LLGL1: variants seen among roughly 807,000 people sequenced by gnomAD.
LLGL1 encodes LLGL scribble cell polarity complex component 1.
A neutral mutation model predicts 110.6 loss-of-function variants in LLGL1; 58 were observed. The ratio of observed to expected loss-of-function variants is 0.52; its 90% CI spans 0.42 to 0.65. The LOEUF is 0.65. Ranked by LOEUF, LLGL1 falls within the 30% of genes least tolerant of loss-of-function variation. The pLI is 0.00. For missense variants in LLGL1, 1,229 were observed against 1,462.1 expected (o/e 0.84, Z 2.60); for synonymous variants, 674 against 607.2 (o/e 1.11, Z -1.62).
In LLGL1 at chr17:18,228,222, G is replaced by A. The variant is rs137961381; in HGVS notation, c.82-1719G>A. Among the ~76,000 whole-genome samples, 699 of 152,374 alleles carry A rather than the reference G, an allele frequency of 4.6e-3. 6 individuals are homozygous for A. Among genetic ancestry groups the A allele is most frequent in the African/African-American group, 0.012 (480 of 41,590 alleles). On this transcript the variant is annotated intron_variant, in intron 1 of 22. Coordinates refer to ENST00000316843, the MANE Select transcript of LLGL1 (RefSeq NM_004140.4). ...TGCTGTGGATCAAATAAAGTAGGGC[G>A]AGGGGGTGAGAGGTGTGGCCAGGGC...
chr17:18,231,656 T>G (rs1244556570), intron 2 of LLGL1, among the ~76,000 whole-genome samples: 1 of 152,158 alleles, frequency 6.6e-6, no homozygotes, highest in African/African-American at 2.4e-5. Context: ...GTGGGTTTTT[T>G]TTGTTTTGTT....
chr17:18,236,579 G>C lies in LLGL1; in HGVS notation c.1353-28G>C. 5.7e-6 allele frequency: 9 copies of C among 1,591,306 alleles called. 1 individual carries two copies. Among genetic ancestry groups the C allele is most frequent in the Non-Finnish European group, 7.7e-6 (9 of 1,165,346 alleles). On this transcript the variant is annotated intron_variant, in intron 11 of 22. Coordinates refer to ENST00000316843, the MANE Select transcript of LLGL1 (RefSeq NM_004140.4). ...GCGTGCAGGCCTCCCAGGAACTCGG[G>C]TAGCCCTGACATCTGCCCTCCCTGC...
intron 1 of LLGL1, among the ~76,000 whole-genome samples, chr17:18,227,573 G>T (rs901878231): frequency 6.6e-6 from 1 of 152,172 alleles, no homozygotes; most frequent in African/African-American, 2.4e-5. Flanking sequence ...TTTTTGTAGA[G>T]ATGGGGTTTC....
chr17:18,227,573 G>A (rs901878231), intron 1 of LLGL1, among the ~76,000 whole-genome samples: 1 of 152,172 alleles, frequency 6.6e-6, no homozygotes, highest in African/African-American at 2.4e-5. Flanking sequence ...TTTTTGTAGA[G>A]ATGGGGTTTC....
rs1183754896 is a variant in LLGL1, at chr17:18,242,774, A to G, written c.3148A>G (p.Asn1050Asp). 1.9e-6 allele frequency: 3 copies of G among 1,568,842 alleles called. No individual in the cohort carries two copies. In the South Asian group the frequency reaches 3.5e-5, roughly 18 times the overall value. ...SSEESEKNLR[N>D]LAEDEAHACA... ...TGAGGAGTCAGAGAAGAACCTGAGG[A>G]ACCTGGCAGAAGACGAGGCCCACGC... The change falls in exon 22 of 23, where the codon AAC (asparagine) becomes GAC (aspartate). Residue 1050 changes from asparagine to aspartate, a missense_variant. Coordinates refer to ENST00000316843, the MANE Select transcript of LLGL1 (RefSeq NM_004140.4).
Position 18,229,833 on chromosome 17 carries a change from A to C in LLGL1, c.82-108A>C, listed in dbSNP as rs1008639222. The C allele has an allele frequency of 8.7e-6, 6 of 692,450 alleles. No individual in the cohort carries two copies. The African/African-American group carries it at 1.1e-4, about 12-fold the overall frequency. 42.9% of individuals were successfully genotyped at this position (692,450 alleles called of 1,614,324 possible). A position where few individuals can be genotyped will look rare whatever the true frequency, so the allele number is the denominator to read the frequency against. On this transcript the variant is annotated intron_variant, in intron 1 of 22. Coordinates refer to ENST00000316843, the MANE Select transcript of LLGL1 (RefSeq NM_004140.4). ...GCAAGTAGACCTGCCTCCTACCCCC[A>C]GTGTGTCAGCTGCAGACCCTGGAGG...
Position 18,238,441 on chromosome 17 carries a change from GC to G in LLGL1, c.2053-10del. ...GGTGCTAGGGAGACAGTGTTCAGGA[GC>G]CCCCGCCCGGCAGTTGCAGGAAGCC... On this transcript the variant is annotated splice_polypyrimidine_tract_variant and intron_variant, in intron 15 of 22. Transcript: ENST00000316843. 1 of 1,599,984 alleles carries G rather than the reference GC, an allele frequency of 6.3e-7. No homozygotes were observed.
Position 18,236,635 on chromosome 17 carries a change from G to T in LLGL1, c.1381G>T (p.Asp461Tyr). ...TGAGGACGGCACCGTGAGGTTCTGGGATGCCTCGGGTGTGGCGCTGCGGCC... is the reference window on the plus strand; with the variant it reads ...TGAGGACGGCACCGTGAGGTTCTGGTATGCCTCGGGTGTGGCGCTGCGGCC... Reference protein sequence around the residue: ...GHEDGTVRFWDASGVALRPLY... With the variant: ...GHEDGTVRFWYASGVALRPLY... The change falls in exon 12 of 23, where the codon GAT (aspartate) becomes TAT (tyrosine). Residue 461 changes from aspartate (D) to tyrosine (Y), a missense_variant. Asp to Tyr is a radical substitution (Grantham distance 160). Transcript: ENST00000316843. 1 of 1,612,726 alleles carries T rather than the reference G, an allele frequency of 6.2e-7. No individual in the cohort carries two copies. Among genetic ancestry groups the T allele is most frequent in the African/African-American group, 1.3e-5 (1 of 75,028 alleles).
chr17:18,241,351 G>A, intron 17 of LLGL1, 100 bp from the exon 18 acceptor site: 1 of 1,466,702 alleles, frequency 6.8e-7, no homozygotes, highest in South Asian at 1.3e-5. Context: ...ATGCAGCTGG[G>A]CTTTGTGGTG....
chr17:18,237,701 G>A lies in LLGL1; in HGVS notation c.1832G>A (p.Ser611Asn). Residue 611 changes from serine (S) to asparagine (N), a missense_variant, in exon 14 of 23, where the codon AGC becomes AAC. By Grantham distance (46) the Ser-to-Asn change is conservative (BLOSUM62 1). Coordinates refer to ENST00000316843, the MANE Select transcript of LLGL1 (RefSeq NM_004140.4). Reference protein sequence around the residue: ...VTAVTLHTEWSLVAFGTSHGF... With the variant: ...VTAVTLHTEWNLVAFGTSHGF... ...GCTGTCACACTCCACACCGAGTGGA[G>A]CCTCGTGGCTTTTGGCACCAGTCAT... 1.2e-6 allele frequency: 2 copies of A among 1,613,034 alleles called. No individual in the cohort carries two copies. Among genetic ancestry groups the A allele is most frequent in the Non-Finnish European group, 1.7e-6 (2 of 1,179,986 alleles).
In LLGL1 at chr17:18,241,638, C is replaced by G. The variant is rs372321860; in HGVS notation, c.2690C>G (p.Pro897Arg). 5 of 1,613,734 alleles carry G rather than the reference C, an allele frequency of 3.1e-6. No homozygotes were observed. Among genetic ancestry groups the G allele is most frequent in the Non-Finnish European group, 4.2e-6 (5 of 1,180,026 alleles). ...VHVFSVPGLRPQVHYSCIRKE... is the reference protein window; with the variant it reads ...VHVFSVPGLRRQVHYSCIRKE... ...GTCTTCTCGGTGCCTGGCCTGCGGCCCCAGGTGCACTATTCCTGCATCCGG... is the reference window on the plus strand; with the variant it reads ...GTCTTCTCGGTGCCTGGCCTGCGGCGCCAGGTGCACTATTCCTGCATCCGG... Residue 897 changes from proline (P) to arginine (R), a missense_variant, in exon 18 of 23, where the codon CCC becomes CGC. Pro to Arg is a moderately radical substitution (Grantham distance 103). Coordinates refer to ENST00000316843, the MANE Select transcript of LLGL1 (RefSeq NM_004140.4).
At chr17:18,238,370 G>A (rs961851409) in intron 15 of LLGL1, 86 bp from the exon 16 acceptor site, 1 of 1,567,372 alleles carries the variant, frequency 6.4e-7, no homozygotes, top group Non-Finnish European at 8.6e-7. Context: ...GGTGGTAGAG[G>A]AATGGTAACA....
Position 18,236,862 on chromosome 17 carries a change from G to C in LLGL1, c.1534G>C (p.Asp512His). ...GGGCTGCTTCGATCCCTACAGTGACGATCCCCGGCTTGGCGTGCAGAAGGT... is the reference window on the plus strand; with the variant it reads ...GGGCTGCTTCGATCCCTACAGTGACCATCCCCGGCTTGGCGTGCAGAAGGT... ...KVGCFDPYSD[D>H]PRLGVQKVAL... Residue 512 changes from aspartate to histidine, a missense_variant, in exon 13 of 23, where the codon GAT becomes CAT. Asp to His is a moderately conservative substitution (Grantham distance 81). Coordinates refer to ENST00000316843, the MANE Select transcript of LLGL1 (RefSeq NM_004140.4). 6.2e-7 allele frequency: 1 copy of C among 1,613,874 alleles called. No homozygotes were observed. Among genetic ancestry groups the C allele is most frequent in the Non-Finnish European group, 8.5e-7 (1 of 1,180,002 alleles).
intron 2 of LLGL1, among the ~76,000 whole-genome samples, chr17:18,231,392 A>G (rs2047564019): frequency 6.6e-6 from 1 of 152,168 alleles, no homozygotes; most frequent in African/African-American, 2.4e-5. Flanking sequence ...TCTGAGCTCA[A>G]GCTCCAGGCA....
In LLGL1 at chr17:18,238,146, C is replaced by T; in HGVS notation, c.1984C>T (p.Gln662Ter). Reference protein sequence around the residue: ...RVKSLKKSLRQSFRRIRKSRV... With the variant: ...RVKSLKKSLR ...GAAGTCTCTCAAGAAGTCACTGCGC[C>T]AGTCTTTCCGGCGCATTCGCAAGAG... is the stretch of plus-strand genomic sequence containing the variant. Residue 662 changes from glutamine (Q) to a stop codon, truncating the protein, a stop_gained, in exon 15 of 23, where the codon CAG (glutamine) becomes TAG (stop). Coordinates refer to ENST00000316843, the MANE Select transcript of LLGL1 (RefSeq NM_004140.4). LOFTEE classifies it high-confidence loss of function. 6.2e-7 allele frequency: 1 copy of T among 1,613,812 alleles called. No individual in the cohort carries two copies. Among genetic ancestry groups the T allele is most frequent in the Non-Finnish European group, 8.5e-7 (1 of 1,180,042 alleles).
chr17:18,237,686 T>C lies in LLGL1; in HGVS notation c.1817T>C (p.Leu606Pro). 1 of 1,612,910 alleles carries C rather than the reference T, an allele frequency of 6.2e-7. No homozygotes were observed. The highest frequency in any genetic ancestry group is 8.5e-7 in the Non-Finnish European group (1 of 1,179,982). ...LPPAAVTAVT[L>P]HTEWSLVAFG... The stretch of plus-strand genomic sequence containing the variant: ...CCAGCTGCTGTAACCGCTGTCACAC[T>C]CCACACCGAGTGGAGCCTCGTGGCT... The change falls in exon 14 of 23, where the codon CTC becomes CCC. Residue 606 changes from leucine to proline, a missense_variant. Physicochemically the swap from Leu to Pro is moderately conservative, Grantham distance 98. Coordinates refer to ENST00000316843, the MANE Select transcript of LLGL1 (RefSeq NM_004140.4).
intron 2 of LLGL1, among the ~76,000 whole-genome samples, chr17:18,231,560 A>C (rs1327685259): frequency 1.3e-5 from 2 of 152,228 alleles, no homozygotes; most frequent in African/African-American, 2.4e-5. Flanking sequence ...ACCCCCTCCA[A>C]GTCTGTGTGC....
chr17:18,242,513 C>T lies in LLGL1; in HGVS notation c.3001C>T (p.Pro1001Ser). 6.2e-7 allele frequency: 1 copy of T among 1,613,996 alleles called. No homozygotes were observed. Among genetic ancestry groups the T allele is most frequent in the Non-Finnish European group, 8.5e-7 (1 of 1,179,946 alleles). Residue 1001 changes from proline to serine, a missense_variant, in exon 21 of 23, where the codon CCG (proline) becomes TCG (serine). Coordinates refer to ENST00000316843, the MANE Select transcript of LLGL1 (RefSeq NM_004140.4). ...DPAHSMGPDT[P>S]EPPEAALSPM... ...TGATGACTTGCTCCCTGTAGACACC[C>T]CGGAGCCACCCGAGGCTGCACTCTC...
intron 1 of LLGL1, among the ~76,000 whole-genome samples, 171 bp from the exon 2 acceptor site, chr17:18,229,770 G>A (rs529017048): frequency 6.6e-6 from 1 of 152,298 alleles, no homozygotes; most frequent in South Asian, 2.1e-4. Flanking sequence ...CTGGAGGCAT[G>A]ATAACCCATT....
Sources: allele counts gnomAD v4.1 joint callset (sites outside exome capture counted in the v4.1 genomes callset), GRCh38; gene constraint gnomAD v4.1.1; transcripts MANE v1.5; gene names NCBI Gene and HGNC (gene_info 2026-07-23, HGNC 2026-07-21).